ERBIN: variants seen among roughly 807,000 people sequenced by gnomAD.
The protein encoded by ERBIN is erbb2 interacting protein, also known as densin-180-like protein.
In ERBIN, 60 loss-of-function variants were observed where a neutral mutation model predicts 158.4. The ratio of observed to expected loss-of-function variants is 0.38; its 90% CI spans 0.31 to 0.47. The LOEUF is 0.47. Ranked by LOEUF, ERBIN falls within the 20% of genes least tolerant of loss-of-function variation. ERBIN has a pLI of 0.99. For missense variants in ERBIN, 1,610 were observed against 1,648.0 expected (o/e 0.98, Z 0.40); for synonymous variants, 594 against 557.2 (o/e 1.07, Z -0.93).
In ERBIN at chr5:66,014,678, A is replaced by C. The variant is rs754807103; in HGVS notation, c.486A>C (p.Lys162Asn). ...FLPANFGRLT[K>N]LQILELRENQ... The stretch of plus-strand genomic sequence containing the variant: ...TTTTTTTGTATTGCAGATTAACTAA[A>C]CTCCAAATATTAGAGCTTAGAGAAA... Residue 162 changes from lysine (K) to asparagine (N), a missense_variant, in exon 7 of 26, where the codon AAA becomes AAC. Physicochemically the swap from Lys to Asn is moderately conservative, Grantham distance 94 (BLOSUM62 0). Around this residue, in one of 2 missense-constraint regions of ERBIN, gnomAD observed 596 missense variants for 711.9 expected, o/e 0.84. Transcript: ENST00000284037. 4.9e-6 allele frequency: 7 copies of C among 1,419,034 alleles called. No individual in the cohort carries two copies. The highest frequency in any genetic ancestry group is 6.7e-6 in the Non-Finnish European group (7 of 1,043,176). 87.9% of individuals were successfully genotyped at this position (1,419,034 alleles called of 1,614,324 possible). A position where few individuals can be genotyped will look rare whatever the true frequency, so the allele number is the denominator to read the frequency against.
intron 21 of ERBIN, among the ~76,000 whole-genome samples, chr5:66,060,915 A>G (rs1760214833): frequency 6.6e-6 from 1 of 152,156 alleles, no homozygotes; most frequent in Non-Finnish European, 1.5e-5. Flanking sequence ...ACAGTTTGTT[A>G]TAATTTCTGT....
chr5:66,077,078 G>A (rs1446947936), intron 25 of ERBIN, 129 bp downstream of exon 25: 3 of 623,488 alleles, frequency 4.8e-6, no homozygotes, highest in African/African-American at 1.9e-5. Context: ...GTGAACCCGG[G>A]AGGCGGCACT....
chr5:66,014,007 T>TG (rs1279803093), intron 6 of ERBIN, among the ~76,000 whole-genome samples: 1 of 152,172 alleles, frequency 6.6e-6, no homozygotes, highest in Non-Finnish European at 1.5e-5. Flanking sequence ...AATCTGTTTC[T>TG]GGGGGCGACC....
chr5:65,927,152 G>C (rs1055916352), intron 1 of ERBIN, among the ~76,000 whole-genome samples: 1 of 152,134 alleles, frequency 6.6e-6, no homozygotes, highest in Non-Finnish European at 1.5e-5. Flanking sequence ...ATATTAAGTT[G>C]CTCAGCCAGG....
intron 16 of ERBIN, 76 bp downstream of exon 16, chr5:66,043,274 G>A: frequency 2.9e-6 from 4 of 1,396,258 alleles, no homozygotes; most frequent in Non-Finnish European, 4.0e-6. Context: ...ATACTATGAT[G>A]TCTGGGGATA....
intron 1 of ERBIN, among the ~76,000 whole-genome samples, chr5:65,982,107 A>G (rs1750725279): frequency 6.6e-6 from 1 of 152,226 alleles, no homozygotes; most frequent in Non-Finnish European, 1.5e-5. Flanking sequence ...ACAAAGAGAG[A>G]TTATTACCAC....
intron 24 of ERBIN, 95 bp from the exon 25 acceptor site, chr5:66,076,780 C>CA (rs1203737432): frequency 5.9e-6 from 5 of 853,774 alleles, no homozygotes; most frequent in Non-Finnish European, 9.6e-6. Context: ...TACCATGATT[C>CA]AAATATTTGC....
intron 1 of ERBIN, among the ~76,000 whole-genome samples, chr5:65,980,626 A>G (rs1750549327): frequency 1.3e-5 from 2 of 152,290 alleles, no homozygotes; most frequent in Admixed American, 1.3e-4. Flanking sequence ...AAAGTAATCC[A>G]TGGAAAATAT....
Position 65,994,859 on chromosome 5 carries a change from A to C in ERBIN, c.302A>C (p.Lys101Thr), listed in dbSNP as rs1561347373. 2 of 1,590,362 alleles carry C rather than the reference A, an allele frequency of 1.3e-6. No individual in the cohort carries two copies. Residue 101 changes from lysine to threonine, a missense_variant, in exon 4 of 26, where the codon AAG becomes ACG. By Grantham distance (78) the Lys-to-Thr change is moderately conservative. Coordinates refer to ENST00000284037, the MANE Select transcript of ERBIN (RefSeq NM_001253697.2). The stretch of plus-strand genomic sequence containing the variant: ...AATCTCAGGGAACTGGATGTCAGCA[A>C]GAATGGTAAGGCTTTTTTTGCCCAT... ...LINLRELDVS[K>T]NGIQEFPENI...
At chr5:66,043,347 T>C (rs986824987) in intron 16 of ERBIN, 149 bp downstream of exon 16, 2 of 727,084 alleles carry the variant, frequency 2.8e-6, no homozygotes, top group African/African-American at 3.6e-5. Flanking sequence ...ATTCCAAATA[T>C]TTCAGACATG....
intron 4 of ERBIN, among the ~76,000 whole-genome samples, chr5:65,999,715 T>G (rs1752830790): frequency 6.6e-6 from 1 of 152,222 alleles, no homozygotes; most frequent in Non-Finnish European, 1.5e-5. Flanking sequence ...TGGCTTTTGA[T>G]TTGTGTGACT....
intron 1 of ERBIN, among the ~76,000 whole-genome samples, chr5:65,941,854 CCCCAGCCTCCTGA>C (rs1386474910): frequency 6.6e-6 from 1 of 152,044 alleles, no homozygotes; most frequent in African/African-American, 2.4e-5. Flanking sequence ...CATTCTCCTG[CCCCAGCCTCCTGA>C]GTAGCTGGGA....
chr5:66,001,498 C>T (rs1420428473), intron 4 of ERBIN, among the ~76,000 whole-genome samples: 2 of 152,074 alleles, frequency 1.3e-5, no homozygotes, highest in African/African-American at 4.8e-5. Flanking sequence ...GGTAAGTTAG[C>T]ATGGTTTAGG....
At chr5:66,015,426 C>T (rs1466909417) in intron 7 of ERBIN, among the ~76,000 whole-genome samples, 2 of 152,090 alleles carry the variant, frequency 1.3e-5, no homozygotes, top group Non-Finnish European at 2.9e-5. Flanking sequence ...CATTCATGTA[C>T]ATATTGTCTG....
chr5:66,063,315 C>T (rs1279215516), intron 21 of ERBIN, among the ~76,000 whole-genome samples: 2 of 152,212 alleles, frequency 1.3e-5, no homozygotes, highest in Non-Finnish European at 2.9e-5. Flanking sequence ...GAGCGAGGCT[C>T]CATGGGCGTA....
At chr5:66,069,280 A>C (rs952612731) in intron 21 of ERBIN, among the ~76,000 whole-genome samples, 1 of 152,224 alleles carries the variant, frequency 6.6e-6, no homozygotes, top group Admixed American at 6.5e-5. Context: ...TAACTGAGAG[A>C]TCTTCAAAAA....
intron 15 of ERBIN, among the ~76,000 whole-genome samples, chr5:66,039,176 C>T (rs960787500): frequency 6.6e-6 from 1 of 151,852 alleles, no homozygotes; most frequent in Non-Finnish European, 1.5e-5. Context: ...AAATGTAAAT[C>T]AGTCATTTCA....
chr5:66,043,294 A>G (rs182722599), intron 16 of ERBIN, 96 bp downstream of exon 16: 8 of 1,240,036 alleles, frequency 6.5e-6, no homozygotes, highest in Non-Finnish European at 7.9e-6. Context: ...ATAACAAAGT[A>G]TTGAATTTAT....
Position 66,013,545 on chromosome 5 carries a change from G to T in ERBIN, c.387-4G>T. 6.3e-7 allele frequency: 1 copy of T among 1,587,026 alleles called. No homozygotes were observed. The highest frequency in any genetic ancestry group is 8.6e-7 in the Non-Finnish European group (1 of 1,156,134). On this transcript the variant is annotated splice_polypyrimidine_tract_variant and splice_region_variant and intron_variant, in intron 5 of 25. Coordinates refer to ENST00000284037, the MANE Select transcript of ERBIN (RefSeq NM_001253697.2). ...CTTAACTTAAATTCTGGTATTTTAT[G>T]TAGGCTCCCTGATGGATTTTCTCAG...
Sources: allele counts gnomAD v4.1 joint callset (sites outside exome capture counted in the v4.1 genomes callset), GRCh38; gene constraint gnomAD v4.1.1; regional missense constraint gnomAD v4.1.1; transcripts MANE v1.5; gene names NCBI Gene and HGNC (gene_info 2026-07-23, HGNC 2026-07-21).